The following GUCY1A1 variants were observed in gnomAD, a reference collection of about 807,000 sequenced individuals.
The protein encoded by GUCY1A1 is guanylate cyclase soluble subunit alpha-1.
A neutral mutation model predicts 64.5 loss-of-function variants in GUCY1A1; 48 were observed. The observed-to-expected ratio is 0.74, with a 90% confidence interval of 0.59 to 0.95. The LOEUF (loss-of-function observed/expected upper bound fraction) is 0.95, where lower values mean the gene tolerates loss of function less well. Ranked by LOEUF, GUCY1A1 falls within the 40% of genes least tolerant of loss-of-function variation. The pLI is 0.00. For missense variants in GUCY1A1, 804 were observed against 825.3 expected, an observed-to-expected ratio of 0.97 and a Z score of 0.32; for synonymous variants, 308 against 303.4, an observed-to-expected ratio of 1.02 and a Z score of -0.16.
chr4:155,699,562 C>T (rs996005275), intron 3 of GUCY1A1, among the ~76,000 whole-genome samples: 1 of 152,134 alleles, frequency 6.6e-6, no homozygotes, highest in African/African-American at 2.4e-5. Flanking sequence ...GCATTAGTAA[C>T]TAAAACTCCT....
chr4:155,694,113 T>C (rs139678084), intron 2 of GUCY1A1, among the ~76,000 whole-genome samples: 18 of 152,378 alleles, frequency 1.2e-4, no homozygotes, highest in African/African-American at 4.3e-4. Flanking sequence ...GATTTTGATA[T>C]AACTGAAATA....
Position 155,674,182 on chromosome 4 carries a change from C to T in GUCY1A1, c.-113+6763C>T, listed in dbSNP as rs936861048. On this transcript the variant is annotated intron_variant, in intron 2 of 9. Transcript: ENST00000506455. ...CAGCCTGGCCAAGACAGTGAAACTC[C>T]GTCTCTACTAAAAATACAAAAAATT... Among the ~76,000 whole-genome samples, 9 of 150,734 alleles carry T rather than the reference C, an allele frequency of 6.0e-5. No homozygotes were observed. The East Asian group carries it at 9.7e-4, about 16-fold the overall frequency.
At chr4:155,708,181 G>A (rs538902963) in intron 4 of GUCY1A1, 55 bp from the exon 5 acceptor site, 104 of 878,354 alleles carry the variant, frequency 1.2e-4, no homozygotes, top group Non-Finnish European at 1.7e-4. Context: ...ATTATAATCT[G>A]AACTTTTAGC....
At chr4:155,709,159 C>G (rs1459887833) in intron 5 of GUCY1A1, among the ~76,000 whole-genome samples, 1 of 151,034 alleles carries the variant, frequency 6.6e-6, no homozygotes, top group East Asian at 2.0e-4. Flanking sequence ...GACTCTGTAA[C>G]TATAAAAAAT....
At chr4:155,713,844 G>T (rs915292655) in intron 7 of GUCY1A1, among the ~76,000 whole-genome samples, 1 of 152,188 alleles carries the variant, frequency 6.6e-6, no homozygotes, top group African/African-American at 2.4e-5. Context: ...AGAATGGAGG[G>T]AGGATAGGGT....
At chr4:155,701,707 G>A (rs115304333) in intron 3 of GUCY1A1, among the ~76,000 whole-genome samples, 1,558 of 151,810 alleles carry the variant, frequency 0.01, 35 homozygotes, top group African/African-American at 0.036. Context: ...GGGAGGCTGA[G>A]GCAAGAGGAT....
At chr4:155,693,048 G>T (rs1404506329) in intron 2 of GUCY1A1, among the ~76,000 whole-genome samples, 1 of 151,576 alleles carries the variant, frequency 6.6e-6, no homozygotes, top group Non-Finnish European at 1.5e-5. Flanking sequence ...GACAGAGTGA[G>T]ACTCTGTCTC....
rs1732515601 is a variant in GUCY1A1 at position 155,711,117 on chromosome 4, C to A, written c.952C>A (p.Pro318Thr). 6.2e-7 allele frequency: 1 copy of A among 1,612,754 alleles called. No individual in the cohort carries two copies. The highest frequency in any genetic ancestry group is 1.7e-5 in the Admixed American group (1 of 60,002). The change falls in exon 6 of 10, where the codon CCT becomes ACT. Residue 318 changes from proline to threonine, a missense_variant. Transcript: ENST00000506455. ...LMNRRDFQGK[P>T]NFEEYFEILT... is the part of the protein sequence containing the mutation. ...GAACAGGAGAGACTTTCAAGGAAAGCCTAATTTTGAAGAATACTTTGAAAT... is the reference window on the plus strand; with the variant it reads ...GAACAGGAGAGACTTTCAAGGAAAGACTAATTTTGAAGAATACTTTGAAAT...
chr4:155,716,480 G>A (rs1228199788), intron 7 of GUCY1A1, among the ~76,000 whole-genome samples: 2 of 152,132 alleles, frequency 1.3e-5, no homozygotes, highest in Admixed American at 6.6e-5. Context: ...TAATGATGAT[G>A]ATAATGATAA....
intron 2 of GUCY1A1, among the ~76,000 whole-genome samples, chr4:155,691,620 A>T (rs187239042): frequency 1.2e-4 from 18 of 152,216 alleles, no homozygotes; most frequent in Admixed American, 3.3e-4. Flanking sequence ...AAAAATCTGG[A>T]CTTTCAAGTT....
chr4:155,688,379 C>A (rs1228988772), intron 2 of GUCY1A1, among the ~76,000 whole-genome samples: 9 of 152,098 alleles, frequency 5.9e-5, no homozygotes, highest in African/African-American at 2.2e-4. Flanking sequence ...GGCCTTCCTG[C>A]CTGACCAAAA....
At chr4:155,685,648 A>T in intron 2 of GUCY1A1, among the ~76,000 whole-genome samples, 1 of 125,194 alleles carries the variant, frequency 8.0e-6, no homozygotes, top group Admixed American at 1.0e-4. Flanking sequence ...TTCTTTCTGT[A>T]GCCAGGCCTA....
At chr4:155,724,692 C>A (rs753238012) in intron 9 of GUCY1A1, among the ~76,000 whole-genome samples, 11 of 152,226 alleles carry the variant, frequency 7.2e-5, no homozygotes, top group East Asian at 1.9e-4. Context: ...CCCTACCAAA[C>A]CTTTGTTGCC....
intron 9 of GUCY1A1, among the ~76,000 whole-genome samples, chr4:155,724,491 A>G (rs1295486729): frequency 6.6e-6 from 1 of 152,032 alleles, no homozygotes; most frequent in African/African-American, 2.4e-5. Flanking sequence ...GTTCTTATCA[A>G]GGTCATCATT....
intron 6 of GUCY1A1, among the ~76,000 whole-genome samples, chr4:155,711,903 A>G (rs1486541760): frequency 1.3e-5 from 2 of 152,240 alleles, no homozygotes; most frequent in Admixed American, 1.3e-4. Flanking sequence ...CATAAAAATA[A>G]TAAAATATAT....
intron 5 of GUCY1A1, among the ~76,000 whole-genome samples, chr4:155,709,640 C>G (rs1452557146): frequency 1.3e-5 from 2 of 152,094 alleles, no homozygotes; most frequent in Non-Finnish European, 2.9e-5. Context: ...TCAAGACCAG[C>G]CTGGCCAACA....
chr4:155,688,325 G>C (rs1354750700), intron 2 of GUCY1A1, among the ~76,000 whole-genome samples: 1 of 152,028 alleles, frequency 6.6e-6, no homozygotes, highest in Non-Finnish European at 1.5e-5. Flanking sequence ...GTGTGTTTAT[G>C]TATGTCTCTA....
chr4:155,725,044 A>G (rs564862848), intron 9 of GUCY1A1, among the ~76,000 whole-genome samples: 334 of 152,150 alleles, frequency 2.2e-3, no homozygotes, highest in Non-Finnish European at 3.6e-3. Flanking sequence ...CTTAACTATC[A>G]TAACTATAGC....
rs934611902 is a variant in GUCY1A1 at position 155,721,978 on chromosome 4, C to A, written c.1717-60C>A. 4.3e-6 allele frequency: 5 copies of A among 1,155,192 alleles called. No individual in the cohort carries two copies. In the African/African-American group the frequency reaches 4.6e-5, roughly 11 times the overall value. 71.6% of individuals were successfully genotyped at this position (1,155,192 alleles called of 1,614,324 possible). A position where few individuals can be genotyped will look rare whatever the true frequency, so the allele number is the denominator to read the frequency against. On this transcript the variant is annotated intron_variant, in intron 8 of 9. Coordinates refer to ENST00000506455, the MANE Select transcript of GUCY1A1 (RefSeq NM_001130682.3). Reference sequence around the variant, plus strand: ...TAATTTAGACGGTATTCAAACGACACTGACGAGTAGGAAGTGTTTTACCAG... The same window carrying A: ...TAATTTAGACGGTATTCAAACGACAATGACGAGTAGGAAGTGTTTTACCAG...
Sources: gnomAD v4.1 joint callset for allele counts (sites outside exome capture counted in the v4.1 genomes callset) on GRCh38, gnomAD v4.1.1 for gene constraint, MANE v1.5 for transcripts, NCBI Gene and HGNC (gene_info 2026-07-23, HGNC 2026-07-21) for gene names.